KCNQ3: variants seen among roughly 807,000 people sequenced by gnomAD.
KCNQ3 encodes potassium voltage-gated channel subfamily Q member 3, also known as potassium voltage-gated channel subfamily KQT member 3.
A neutral mutation model predicts 92.5 loss-of-function variants in KCNQ3; 30 were observed. The observed-to-expected ratio is 0.32, with a 90% CI of 0.24 to 0.44. The LOEUF is 0.44. Ranked by LOEUF, KCNQ3 falls within the 20% of genes least tolerant of loss-of-function variation. KCNQ3 has a pLI of 1.00. For synonymous variants in KCNQ3, 450 were observed against 468.8 expected, an observed-to-expected ratio of 0.96 and a Z score of 0.52; for missense variants, 913 against 1,140.3, an observed-to-expected ratio of 0.80 and a Z score of 2.87.
At chr8:132,366,651 TTAAC>T (rs1447063264) in intron 1 of KCNQ3, among the ~76,000 whole-genome samples, 2 of 152,214 alleles carry the variant, frequency 1.3e-5, no homozygotes, top group African/African-American at 4.8e-5. Context: ...CAATTATAAT[TTAAC>T]TAAGAAAATC....
At chr8:132,380,412 C>T (rs1819716117) in intron 1 of KCNQ3, among the ~76,000 whole-genome samples, 1 of 152,158 alleles carries the variant, frequency 6.6e-6, no homozygotes, top group African/African-American at 2.4e-5. Flanking sequence ...GTGATTTTCC[C>T]GACCTTATTG....
chr8:132,233,043 A>AT (rs1322238600), intron 1 of KCNQ3, among the ~76,000 whole-genome samples: 1 of 152,186 alleles, frequency 6.6e-6, no homozygotes, highest in African/African-American at 2.4e-5. Flanking sequence ...CCTGCTTCAA[A>AT]TATCTTGCCA....
At chr8:132,439,162 T>A (rs1173546203) in intron 1 of KCNQ3, among the ~76,000 whole-genome samples, 2 of 151,934 alleles carry the variant, frequency 1.3e-5, no homozygotes, top group Non-Finnish European at 2.9e-5. Flanking sequence ...TAACCCATTC[T>A]GGCAAAGTCA....
intron 1 of KCNQ3, among the ~76,000 whole-genome samples, chr8:132,331,442 C>T (rs1048239981): frequency 2.0e-5 from 3 of 152,164 alleles, no homozygotes; most frequent in East Asian, 1.9e-4. Context: ...TATGGCCACC[C>T]GTGGGGCCTC....
intron 1 of KCNQ3, among the ~76,000 whole-genome samples, chr8:132,403,034 T>G (rs1364126443): frequency 1.0e-3 from 37 of 35,490 alleles, no homozygotes; most frequent in African/African-American, 1.4e-3. Context: ...AAAAAAAAAG[T>G]GTCAATATTG....
At position 132,129,325 on chromosome 8, in the gene KCNQ3, A is replaced by G; in HGVS notation, c.2556T>C (p.Pro852=). The G allele has an allele frequency of 6.2e-7, 1 of 1,614,172 alleles. No homozygotes were observed. The highest frequency in any genetic ancestry group is 1.1e-5 in the South Asian group (1 of 91,082). The change falls in exon 15 of 15, where the codon CCT becomes CCC. Residue 852 remains proline, a synonymous_variant. Transcript: ENST00000388996. This position sits in a 1 kb window ranked among gnomAD's most constrained non-coding sequence, Gnocchi z 5.9. The part of the protein sequence containing the change: ...TDPFTPSGSM[P]LSSTGDGISD... ...AAATCCCATCCCCTGTGGACGACAG[A>G]GGCATGGAGCCGCTGGGCGTGAAGG...
rs1444746676 is a variant in KCNQ3, at chr8:132,450,668, A to G, written c.386+29479T>C. Among the ~76,000 whole-genome samples, 6 of 152,160 alleles carry G rather than the reference A, an allele frequency of 3.9e-5. No individual in the cohort carries two copies. In the East Asian group the frequency reaches 7.7e-4, roughly 20 times the overall value. On this transcript the variant is annotated intron_variant, in intron 1 of 14. Coordinates refer to ENST00000388996, the MANE Select transcript of KCNQ3 (RefSeq NM_004519.4). ...GGCACTGAGGGGCAGGCATCACACCATCTCCCACAGGCAGGCCCACCAGAG... is the reference window on the plus strand; with the variant it reads ...GGCACTGAGGGGCAGGCATCACACCGTCTCCCACAGGCAGGCCCACCAGAG...
chr8:132,251,536 T>G (rs2130441774), intron 1 of KCNQ3, among the ~76,000 whole-genome samples: 1 of 152,330 alleles, frequency 6.6e-6, no homozygotes, highest in East Asian at 1.9e-4. Flanking sequence ...AACATGATAC[T>G]TTGTGTTTCT....
chr8:132,141,213 G>C lies in KCNQ3; in HGVS notation c.1381C>G (p.Pro461Ala). 1.9e-6 allele frequency: 3 copies of C among 1,614,188 alleles called. No homozygotes were observed. Among genetic ancestry groups the C allele is most frequent in the Non-Finnish European group, 2.5e-6 (3 of 1,180,010 alleles). ...TTATTGTTTAAGCCAACAGGCTTTGGTTCTTTAGAAGGACTTTCTTCTATG... is the reference window on the plus strand; with the variant it reads ...TTATTGTTTAAGCCAACAGGCTTTGCTTCTTTAGAAGGACTTTCTTCTATG... The part of the protein sequence containing the change: ...DAIEESPSKE[P>A]KPVGLNNKER... Residue 461 changes from proline to alanine, a missense_variant, in exon 10 of 15, where the codon CCA (proline) becomes GCA (alanine). Around this residue, in one of 6 missense-constraint regions of KCNQ3, gnomAD observed 182 missense variants for 234.5 expected, o/e 0.78. Coordinates refer to ENST00000388996, the MANE Select transcript of KCNQ3 (RefSeq NM_004519.4).
At chr8:132,319,648 C>T (rs1040473376) in intron 1 of KCNQ3, among the ~76,000 whole-genome samples, 2 of 152,180 alleles carry the variant, frequency 1.3e-5, no homozygotes, top group African/African-American at 4.8e-5. Context: ...GACGAAGCAG[C>T]CGCACTGCCA....
chr8:132,295,714 C>A (rs113359328), intron 1 of KCNQ3, among the ~76,000 whole-genome samples: 1 of 152,072 alleles, frequency 6.6e-6, no homozygotes, highest in African/African-American at 2.4e-5. Context: ...TGAAAAGGAA[C>A]AAGATCATGC....
chr8:132,405,322 C>T (rs1300495585), intron 1 of KCNQ3, among the ~76,000 whole-genome samples: 1 of 152,212 alleles, frequency 6.6e-6, no homozygotes, highest in Non-Finnish European at 1.5e-5. Context: ...CATAAAATTG[C>T]CTGTTCCACA....
chr8:132,363,240 G>A (rs79523809), intron 1 of KCNQ3, among the ~76,000 whole-genome samples: 9 of 152,276 alleles, frequency 5.9e-5, no homozygotes, highest in East Asian at 1.9e-4. Flanking sequence ...GATAAAACGC[G>A]AAACCACAAA....
At chr8:132,174,405 G>C (rs1391935122) in intron 5 of KCNQ3, 56 bp from the exon 6 acceptor site, 6 of 1,297,216 alleles carry the variant, frequency 4.6e-6, no homozygotes, top group Non-Finnish European at 6.6e-6. Context: ...TATCAGGAAC[G>C]TGTTAACTGA....
intron 1 of KCNQ3, among the ~76,000 whole-genome samples, chr8:132,257,297 TAG>T (rs1443707271): frequency 2.0e-5 from 3 of 151,966 alleles, no homozygotes; most frequent in Non-Finnish European, 4.4e-5. Context: ...AATACAAAAA[TAG>T]ACAGTAATGA....
chr8:132,184,792 AATGG>A (rs1284544581), intron 2 of KCNQ3, among the ~76,000 whole-genome samples: 1 of 152,174 alleles, frequency 6.6e-6, no homozygotes. Flanking sequence ...AATTGTGGCT[AATGG>A]TTATTAAGCC....
In KCNQ3 at chr8:132,361,644, C is replaced by T. The variant is rs534507188; in HGVS notation, c.386+118503G>A. On this transcript the variant is annotated intron_variant, in intron 1 of 14. Transcript: ENST00000388996. ...GTTAAAAGAAATGTAAAAGGGTCAA[C>T]ATTAATAGCAACCAAAGAAAAGAAA... Among the ~76,000 whole-genome samples the T allele has an allele frequency of 2.6e-5, 4 of 152,156 alleles. No homozygotes were observed. In the East Asian group the frequency reaches 7.7e-4, roughly 29 times the overall value.
intron 9 of KCNQ3, among the ~76,000 whole-genome samples, chr8:132,149,767 C>A (rs1419711971): frequency 5.3e-5 from 8 of 152,182 alleles, no homozygotes; most frequent in Admixed American, 2.6e-4. Flanking sequence ...GTGTGTGCCT[C>A]ATGTGTGTGC....
At chr8:132,377,761 G>A (rs577714592) in intron 1 of KCNQ3, among the ~76,000 whole-genome samples, 8 of 152,238 alleles carry the variant, frequency 5.3e-5, no homozygotes, top group Non-Finnish European at 7.4e-5. Flanking sequence ...GAGTAATATC[G>A]GGTCAATAAC....
Sources: gnomAD v4.1 joint callset for allele counts (sites outside exome capture counted in the v4.1 genomes callset) on GRCh38, gnomAD v4.1.1 for gene constraint, gnomAD v4.1.1 regional missense constraint, Gnocchi (gnomAD v3.1) non-coding constraint, MANE v1.5 for transcripts, NCBI Gene and HGNC (gene_info 2026-07-23, HGNC 2026-07-21) for gene names.